The following B4GALT5 variants were observed in gnomAD, a reference collection of about 807,000 sequenced individuals.
B4GALT5 encodes beta-1,4-galactosyltransferase 5.
B4GALT5 carries 11 observed loss-of-function variants against 45.0 expected under a neutral mutation model. The ratio of observed to expected loss-of-function variants is 0.24; its 90% CI spans 0.15 to 0.40. The LOEUF is 0.40. B4GALT5 is among the 10% of genes least tolerant of loss of function. The pLI is 1.00. For missense variants in B4GALT5, 337 were observed against 500.2 expected (o/e 0.67, Z 3.11); for synonymous variants, 185 against 182.9 (o/e 1.01, Z -0.09).
intron 1 of B4GALT5, among the ~76,000 whole-genome samples, chr20:49,674,390 T>A (rs1318572877): frequency 1.3e-5 from 2 of 152,070 alleles, no homozygotes; most frequent in Non-Finnish European, 2.9e-5. Flanking sequence ...CATAAGAAGT[T>A]AAAGCACTGC....
In B4GALT5 at chr20:49,674,605, G is replaced by A. The variant is rs1653316934; in HGVS notation, c.116-17903C>T. ...TCATGGAAGGGGAAGGGAGGCACAG[G>A]AGACCGAGGTGGGAGGATCACTTGA... On this transcript the variant is annotated intron_variant, in intron 1 of 8. Coordinates refer to ENST00000371711, the MANE Select transcript of B4GALT5 (RefSeq NM_004776.4). 3.3e-5 allele frequency among the ~76,000 whole-genome samples: 5 copies of A among 151,828 alleles called. No individual in the cohort carries two copies. The South Asian group carries it at 1.0e-3, about 32-fold the overall frequency.
At chr20:49,668,016 G>C (rs114339352) in intron 1 of B4GALT5, among the ~76,000 whole-genome samples, 1 of 152,126 alleles carries the variant, frequency 6.6e-6, no homozygotes, top group South Asian at 2.1e-4. Context: ...GAGCAACCGT[G>C]TGACAATTTT....
At chr20:49,698,884 A>T (rs1419570556) in intron 1 of B4GALT5, among the ~76,000 whole-genome samples, 4 of 152,146 alleles carry the variant, frequency 2.6e-5, no homozygotes, top group Admixed American at 2.6e-4. Flanking sequence ...TATTAATAAC[A>T]TGCTTATTTT....
At chr20:49,688,043 G>T (rs1022326521) in intron 1 of B4GALT5, among the ~76,000 whole-genome samples, 1 of 152,094 alleles carries the variant, frequency 6.6e-6, no homozygotes, top group African/African-American at 2.4e-5. Context: ...TAGGTGCCAG[G>T]AAGGAGGCTG....
intron 1 of B4GALT5, among the ~76,000 whole-genome samples, chr20:49,683,990 A>G (rs902990660): frequency 6.6e-6 from 1 of 151,764 alleles, no homozygotes; most frequent in Non-Finnish European, 1.5e-5. Flanking sequence ...AAAATACAAA[A>G]ATTAGCCAGG....
At chr20:49,712,379 T>C (rs964215377) in intron 1 of B4GALT5, among the ~76,000 whole-genome samples, 1 of 148,320 alleles carries the variant, frequency 6.7e-6, no homozygotes, top group Non-Finnish European at 1.5e-5. Context: ...CCTCCGCTCT[T>C]AACCTTCATG....
At chr20:49,682,388 A>T (rs2085767688) in intron 1 of B4GALT5, among the ~76,000 whole-genome samples, 1 of 152,186 alleles carries the variant, frequency 6.6e-6, no homozygotes, top group African/African-American at 2.4e-5. Context: ...ACCAGCTCTT[A>T]AATGATTTCC....
At position 49,707,391 on chromosome 20, in the gene B4GALT5, C is replaced by T. The variant is rs563512356; in HGVS notation, c.115+6185G>A. Reference sequence around the variant, plus strand: ...GAGCAAAAAAAAAAGGTGTCCTTCACGGGATAAGGCTCTTTAATTCTCTGA... The same window carrying T: ...GAGCAAAAAAAAAAGGTGTCCTTCATGGGATAAGGCTCTTTAATTCTCTGA... On this transcript the variant is annotated intron_variant, in intron 1 of 8. Transcript: ENST00000371711. 5.3e-5 allele frequency among the ~76,000 whole-genome samples: 8 copies of T among 151,860 alleles called. No homozygotes were observed. In the East Asian group the frequency reaches 5.8e-4, roughly 11 times the overall value.
At chr20:49,699,380 A>C (rs1044755406) in intron 1 of B4GALT5, among the ~76,000 whole-genome samples, 4 of 151,888 alleles carry the variant, frequency 2.6e-5, no homozygotes, top group South Asian at 2.1e-4. Context: ...AAAAAAAAAA[A>C]AAAAAAAAAC....
intron 2 of B4GALT5, among the ~76,000 whole-genome samples, chr20:49,654,577 G>A (rs2085634408): frequency 6.6e-6 from 1 of 152,232 alleles, no homozygotes. Context: ...AAATTAGGAT[G>A]TGGTCAATTC....
chr20:49,660,882 T>TC (rs1485521587), intron 1 of B4GALT5, among the ~76,000 whole-genome samples: 1 of 152,198 alleles, frequency 6.6e-6, no homozygotes, highest in Non-Finnish European at 1.5e-5. Flanking sequence ...TCCCAGCCAC[T>TC]CACTCAGATC....
intron 1 of B4GALT5, among the ~76,000 whole-genome samples, chr20:49,669,035 T>C (rs750857162): frequency 3.3e-5 from 5 of 151,618 alleles, no homozygotes; most frequent in Non-Finnish European, 1.5e-5. Flanking sequence ...TGAATTTTTT[T>C]ATTTTTGTAG....
intron 2 of B4GALT5, among the ~76,000 whole-genome samples, chr20:49,654,424 A>C (rs2085633841): frequency 6.6e-6 from 1 of 152,230 alleles, no homozygotes; most frequent in African/African-American, 2.4e-5. Context: ...AGCTCAGGTA[A>C]CTTGACCCAG....
intron 1 of B4GALT5, among the ~76,000 whole-genome samples, chr20:49,687,411 T>C (rs1163980470): frequency 6.6e-6 from 1 of 152,138 alleles, no homozygotes; most frequent in Non-Finnish European, 1.5e-5. Flanking sequence ...TTTGAGAGGC[T>C]GAGGTGGGCG....
At chr20:49,698,979 C>T (rs2085850661) in intron 1 of B4GALT5, among the ~76,000 whole-genome samples, 1 of 152,004 alleles carries the variant, frequency 6.6e-6, no homozygotes, top group South Asian at 2.1e-4. Context: ...TTTATCGTAG[C>T]CTAAGCAAAA....
At chr20:49,687,211 C>A (rs1361788347) in intron 1 of B4GALT5, among the ~76,000 whole-genome samples, 2 of 152,148 alleles carry the variant, frequency 1.3e-5, no homozygotes, top group Non-Finnish European at 2.9e-5. Context: ...AGCAGCATGT[C>A]AACAGTGCCA....
At chr20:49,659,990 G>GGCTGGCCCAGTCACTTTTGCCCAC (rs2085659018) in intron 1 of B4GALT5, among the ~76,000 whole-genome samples, 1 of 151,982 alleles carries the variant, frequency 6.6e-6, no homozygotes, top group Non-Finnish European at 1.5e-5. Flanking sequence ...ATGTTGGCCA[G>GGCTGGCCCAGTCACTTTTGCCCAC]GCTGGCCCAG....
chr20:49,639,635 A>G, intron 7 of B4GALT5, 43 bp downstream of exon 7: 1 of 1,608,620 alleles, frequency 6.2e-7, no homozygotes, highest in Non-Finnish European at 8.5e-7. Context: ...TCTGCAGTCT[A>G]AGGTAGCATT....
At chr20:49,645,002 T>C (rs1379794897) in intron 3 of B4GALT5, among the ~76,000 whole-genome samples, 1 of 152,236 alleles carries the variant, frequency 6.6e-6, no homozygotes, top group Non-Finnish European at 1.5e-5. Flanking sequence ...AAGAGTTTAC[T>C]GTCCTTGTTT....
Sources: allele counts gnomAD v4.1 joint callset (sites outside exome capture counted in the v4.1 genomes callset), GRCh38; gene constraint gnomAD v4.1.1; transcripts MANE v1.5; gene names NCBI Gene and HGNC (gene_info 2026-07-23, HGNC 2026-07-21).